PTPRT: variants seen among roughly 807,000 people sequenced by gnomAD.
The protein encoded by PTPRT is receptor-type tyrosine-protein phosphatase T.
In PTPRT, 56 loss-of-function variants were observed where a neutral mutation model predicts 176.8. That is an observed-to-expected ratio of 0.32 (90% CI 0.26 to 0.40). PTPRT has a LOEUF of 0.40. Ranked by LOEUF, PTPRT falls within the 10% of genes least tolerant of loss-of-function variation. The pLI is 1.00. For missense variants in PTPRT, 1,540 were observed against 1,908.2 expected (o/e 0.81, Z 3.60); for synonymous variants, 783 against 739.0 (o/e 1.06, Z -0.96).
intron 2 of PTPRT, among the ~76,000 whole-genome samples, chr20:42,808,696 T>G (rs1211970668): frequency 1.3e-5 from 2 of 152,060 alleles, no homozygotes; most frequent in Non-Finnish European, 2.9e-5. Context: ...ATGCGTCAAG[T>G]AGATAGTTTT....
chr20:42,803,846 G>A (rs967354814), intron 2 of PTPRT, among the ~76,000 whole-genome samples: 2 of 152,138 alleles, frequency 1.3e-5, no homozygotes, highest in African/African-American at 2.4e-5. Flanking sequence ...GAACCACCGC[G>A]CCTGGCCTAG....
At chr20:43,166,914 T>C (rs2014873944) in intron 1 of PTPRT, among the ~76,000 whole-genome samples, 1 of 152,210 alleles carries the variant, frequency 6.6e-6, no homozygotes, top group Admixed American at 6.5e-5. Flanking sequence ...CTTGGTCCTT[T>C]TAGGCTTCCC....
In PTPRT at chr20:42,106,672, C is replaced by T. The variant is rs536964267; in HGVS notation, c.3390+114G>A. Reference sequence around the variant, plus strand: ...TGTCTACTCCCTCCTGCTTCTCTCACACCCAGGTCCTTTCCATAGGATGCC... The same window carrying T: ...TGTCTACTCCCTCCTGCTTCTCTCATACCCAGGTCCTTTCCATAGGATGCC... On this transcript the variant is annotated intron_variant, in intron 24 of 30. Coordinates refer to ENST00000373187, the MANE Select transcript of PTPRT (RefSeq NM_007050.6). The T allele has an allele frequency of 5.2e-5, 72 of 1,387,658 alleles. No homozygotes were observed. The African/African-American group carries it at 9.0e-4, about 17-fold the overall frequency. The allele number at this position is 1,387,658 out of a possible 1,614,324, so 86.0% of individuals were successfully genotyped here.
chr20:42,465,724 A>G (rs1280919163), intron 8 of PTPRT, among the ~76,000 whole-genome samples: 5 of 152,162 alleles, frequency 3.3e-5, no homozygotes, highest in Admixed American at 2.6e-4. Context: ...TGGCGGTAAT[A>G]TTTTTTGGAA....
intron 1 of PTPRT, among the ~76,000 whole-genome samples, chr20:43,035,149 G>A (rs929266630): frequency 4.6e-5 from 7 of 152,072 alleles, no homozygotes; most frequent in African/African-American, 1.2e-4. Context: ...CAGGCCCCTC[G>A]TAGTGCCCCA....
At position 43,157,100 on chromosome 20, in the gene PTPRT, C is replaced by G. The variant is rs568564330; in HGVS notation, c.88+32546G>C. 3.9e-5 allele frequency among the ~76,000 whole-genome samples: 6 copies of G among 152,198 alleles called. No homozygotes were observed. In the South Asian group the frequency reaches 6.2e-4, roughly 16 times the overall value. ...GGCACGGTGGCTCACTCCTATCATC[C>G]CAGCACTTTGGGAGGCCAAGGCGGG... On this transcript the variant is annotated intron_variant, in intron 1 of 30. Coordinates refer to ENST00000373187, the MANE Select transcript of PTPRT (RefSeq NM_007050.6).
the PTPRT span, among the ~76,000 whole-genome samples, chr20:42,066,184 C>T: frequency 3.4e-3 from 514 of 151,142 alleles, 2 homozygotes; most frequent in African/African-American, 0.012. Flanking sequence ...GGATTACAGG[C>T]ACGTGCCACC....
At chr20:42,190,353 T>C (rs1990950996) in intron 16 of PTPRT, among the ~76,000 whole-genome samples, 1 of 152,190 alleles carries the variant, frequency 6.6e-6, no homozygotes. Context: ...AAATCAAAGA[T>C]ACGGTTGAGA....
In PTPRT at chr20:42,634,124, A is replaced by ATAATAATATAATATAT; in HGVS notation, c.1153+43741_1153+43742insATATATTATATTATTA. Among the ~76,000 whole-genome samples, 8 of 36,496 alleles carry ATAATAATATAATATAT rather than the reference A, an allele frequency of 2.2e-4. No individual in the cohort carries two copies. In the African/African-American group the frequency reaches 2.5e-3, roughly 11 times the overall value. The allele number at this position is 36,496 out of a possible 152,430, so 23.9% of individuals were successfully genotyped here. A position where few individuals can be genotyped will look rare whatever the true frequency, so the allele number is the denominator to read the frequency against. ...ATATATTATAATAATATAATATATTATATATATAATTATATATAATATTAT... is the reference window on the plus strand; with the variant it reads ...ATATATTATAATAATATAATATATTATAATAATATAATATATTATATATAATTATATATAATATTAT... On this transcript the variant is annotated intron_variant, in intron 7 of 30. Coordinates refer to ENST00000373187, the MANE Select transcript of PTPRT (RefSeq NM_007050.6).
chr20:42,949,621 T>C (rs910954465), intron 1 of PTPRT, among the ~76,000 whole-genome samples: 21 of 152,126 alleles, frequency 1.4e-4, no homozygotes, highest in African/African-American at 4.8e-4. Context: ...CATTATGGAG[T>C]GGAGACAAAC....
At chr20:42,563,956 T>C (rs2072996760) in intron 7 of PTPRT, among the ~76,000 whole-genome samples, 1 of 152,178 alleles carries the variant, frequency 6.6e-6, no homozygotes, top group Non-Finnish European at 1.5e-5. Flanking sequence ...AAGCCCAGGC[T>C]CCTTCTATCG....
In PTPRT at chr20:42,624,191, A is replaced by C. The variant is rs565538084; in HGVS notation, c.1153+53675T>G. Among the ~76,000 whole-genome samples the C allele has an allele frequency of 2.6e-5, 4 of 152,250 alleles. No homozygotes were observed. The South Asian group carries it at 8.3e-4, about 32-fold the overall frequency. ...TGAAATTTGCACAGGGGCCAAAGGGAAACAAGGCATTATTTATAATAATTG... is the reference window on the plus strand; with the variant it reads ...TGAAATTTGCACAGGGGCCAAAGGGCAACAAGGCATTATTTATAATAATTG... On this transcript the variant is annotated intron_variant, in intron 7 of 30. Coordinates refer to ENST00000373187, the MANE Select transcript of PTPRT (RefSeq NM_007050.6).
chr20:42,632,147 G>A (rs867112488), intron 7 of PTPRT, among the ~76,000 whole-genome samples: 6 of 152,092 alleles, frequency 3.9e-5, no homozygotes, highest in Non-Finnish European at 8.8e-5. Context: ...CCTATGCATT[G>A]TCACACACTG....
At chr20:42,684,678 C>T (rs983285794) in intron 6 of PTPRT, among the ~76,000 whole-genome samples, 1 of 152,022 alleles carries the variant, frequency 6.6e-6, no homozygotes, top group Non-Finnish European at 1.5e-5. Context: ...GGGTTCCAGG[C>T]AAAATCAATG....
chr20:42,424,541 C>A (rs1305933597), intron 9 of PTPRT, among the ~76,000 whole-genome samples: 1 of 152,064 alleles, frequency 6.6e-6, no homozygotes, highest in Admixed American at 6.6e-5. Context: ...AAATGAGCTT[C>A]CCTGTGCCTA....
chr20:42,451,052 C>T (rs1037731759), intron 8 of PTPRT, among the ~76,000 whole-genome samples: 1 of 152,000 alleles, frequency 6.6e-6, no homozygotes, highest in Non-Finnish European at 1.5e-5. Context: ...GTGTGGTGGA[C>T]AGCTTTGTGA....
At chr20:43,031,560 C>A (rs192515325) in intron 1 of PTPRT, among the ~76,000 whole-genome samples, 4 of 152,182 alleles carry the variant, frequency 2.6e-5, no homozygotes, top group Non-Finnish European at 5.9e-5. Context: ...TGGCACAACA[C>A]TTTCCAGTAC....
At chr20:42,573,567 G>GAC (rs2073197382) in intron 7 of PTPRT, among the ~76,000 whole-genome samples, 1 of 152,020 alleles carries the variant, frequency 6.6e-6, no homozygotes, top group Non-Finnish European at 1.5e-5. Flanking sequence ...CTGACTGGGT[G>GAC]ACTACCCCAT....
At chr20:42,137,642 A>T (rs1477761837) in intron 18 of PTPRT, among the ~76,000 whole-genome samples, 1 of 152,104 alleles carries the variant, frequency 6.6e-6, no homozygotes, top group African/African-American at 2.4e-5. Flanking sequence ...TTGCCTGTGA[A>T]CTCAAAAAGG....
Sources: allele counts gnomAD v4.1 joint callset (sites outside exome capture counted in the v4.1 genomes callset), GRCh38; gene constraint gnomAD v4.1.1; transcripts MANE v1.5; gene names NCBI Gene and HGNC (gene_info 2026-07-23, HGNC 2026-07-21).